Variants in CTIF observed in about 807,000 individuals in gnomAD.
CTIF encodes CBP80/20-dependent translation initiation factor.
In CTIF, 21 loss-of-function variants were observed where a neutral mutation model predicts 66.0. The observed-to-expected ratio is 0.32, with a 90% CI of 0.23 to 0.46. The LOEUF is 0.46. CTIF is among the 20% of genes least tolerant of loss of function. The probability of loss-of-function intolerance (pLI) is 1.00; values close to 1 mark genes in which losing one functional copy is unlikely to be tolerated. For missense variants in CTIF, 739 were observed against 812.7 expected (o/e 0.91, Z 1.10); for synonymous variants, 345 against 326.4 (o/e 1.06, Z -0.62).
At chr18:48,841,695 G>T (rs904407150) in intron 10 of CTIF, among the ~76,000 whole-genome samples, 2 of 144,636 alleles carry the variant, frequency 1.4e-5, no homozygotes, top group Non-Finnish European at 3.0e-5. Context: ...GGGCAGGCGG[G>T]CAGGCCCCTC....
At chr18:48,623,618 TCCTGTCTG>T (rs1568081834) in intron 2 of CTIF, among the ~76,000 whole-genome samples, 2 of 151,002 alleles carry the variant, frequency 1.3e-5, no homozygotes, top group African/African-American at 4.8e-5. Flanking sequence ...CAGGGAATGT[TCCTGTCTG>T]CCTGTGTGGT....
At chr18:48,721,575 G>A (rs536953746) in intron 7 of CTIF, among the ~76,000 whole-genome samples, 6 of 152,320 alleles carry the variant, frequency 3.9e-5, no homozygotes, top group East Asian at 1.9e-4. Context: ...GCTTCAAGAC[G>A]AGCTCATCTC....
intron 10 of CTIF, among the ~76,000 whole-genome samples, chr18:48,833,430 C>T (rs1159399200): frequency 2.0e-5 from 3 of 151,772 alleles, no homozygotes; most frequent in Admixed American, 2.0e-4. Flanking sequence ...TCCTGCAGCC[C>T]TCTGGGAAAG....
At chr18:48,730,288 G>T (rs2092429476) in intron 7 of CTIF, among the ~76,000 whole-genome samples, 1 of 148,540 alleles carries the variant, frequency 6.7e-6, no homozygotes, top group Non-Finnish European at 1.5e-5. Flanking sequence ...CCTGGGGTGT[G>T]AGGGGCCCCT....
chr18:48,811,332 C>T (rs947587503), intron 9 of CTIF, among the ~76,000 whole-genome samples: 39 of 151,502 alleles, frequency 2.6e-4, no homozygotes, highest in African/African-American at 9.2e-4. Context: ...TCTTCTATAC[C>T]ATGGTTTCCT....
rs1479168669 is a variant in CTIF at position 48,618,301 on chromosome 18, C to T, written c.-28-1237C>T. 2.6e-5 allele frequency among the ~76,000 whole-genome samples: 4 copies of T among 152,258 alleles called. No individual in the cohort carries two copies. The East Asian group carries it at 7.7e-4, about 29-fold the overall frequency. The stretch of plus-strand genomic sequence containing the variant: ...ACCTCGCCTTTATTACTGGCAGCAG[C>T]ATTCACGCTGCTCTATATGGCTTCA... On this transcript the variant is annotated intron_variant, in intron 1 of 11. Coordinates refer to ENST00000256413, the MANE Select transcript of CTIF (RefSeq NM_014772.3).
At chr18:48,782,539 A>G (rs911091197) in intron 9 of CTIF, among the ~76,000 whole-genome samples, 2 of 152,170 alleles carry the variant, frequency 1.3e-5, no homozygotes, top group African/African-American at 4.8e-5. Context: ...AGCTATTTAA[A>G]GCGTGCAGCG....
chr18:48,662,026 A>G (rs1181304014), intron 3 of CTIF: 1 of 152,240 alleles, frequency 6.6e-6, no homozygotes, highest in Non-Finnish European at 1.5e-5. Flanking sequence ...ACTACAGGAA[A>G]TAGAAGTGAG....
At chr18:48,720,426 C>T (rs532591355) in intron 7 of CTIF, among the ~76,000 whole-genome samples, 13 of 152,184 alleles carry the variant, frequency 8.5e-5, no homozygotes, top group African/African-American at 2.6e-4. Flanking sequence ...TCCTGTCATC[C>T]GAGCCCAGGG....
chr18:48,767,155 G>A (rs938069832), intron 9 of CTIF, among the ~76,000 whole-genome samples: 5 of 152,172 alleles, frequency 3.3e-5, no homozygotes, highest in Non-Finnish European at 5.9e-5. Context: ...GATTGTTTCC[G>A]ACTTCCAGGA....
intron 3 of CTIF, among the ~76,000 whole-genome samples, chr18:48,645,120 T>A (rs2091003047): frequency 6.6e-6 from 1 of 151,894 alleles, no homozygotes; most frequent in African/African-American, 2.4e-5. Context: ...CCCAAGACAT[T>A]CTGTATAAAA....
At chr18:48,636,792 C>A in intron 3 of CTIF, 107 bp downstream of exon 3, 1 of 774,170 alleles carries the variant, frequency 1.3e-6, no homozygotes, top group Non-Finnish European at 1.9e-6. Context: ...ATGGAGAGTG[C>A]AGAGAGGTGG....
intron 1 of CTIF, among the ~76,000 whole-genome samples, chr18:48,572,813 C>T (rs2143677145): frequency 6.6e-6 from 1 of 151,956 alleles, no homozygotes. Context: ...CATGAAGAAA[C>T]CCCAACTCTT....
intron 9 of CTIF, among the ~76,000 whole-genome samples, chr18:48,789,977 T>C (rs2067757004): frequency 1.3e-5 from 2 of 152,172 alleles, no homozygotes; most frequent in African/African-American, 4.8e-5. Context: ...TTTTCCCCTC[T>C]CTATGTCCTA....
At chr18:48,751,223 C>G (rs1907781108) in intron 7 of CTIF, among the ~76,000 whole-genome samples, 1 of 152,168 alleles carries the variant, frequency 6.6e-6, no homozygotes, top group South Asian at 2.1e-4. Context: ...GGTTTATGCT[C>G]CAATATGGCT....
At position 48,859,833 on chromosome 18, in the gene CTIF, A is replaced by G. The variant is rs1349427440; in HGVS notation, c.*274A>G. 1.6e-6 allele frequency: 1 copy of G among 614,938 alleles called. No individual in the cohort carries two copies. Among genetic ancestry groups the G allele is most frequent in the East Asian group, 3.4e-5 (1 of 29,362 alleles). 38.1% of individuals were successfully genotyped at this position (614,938 alleles called of 1,614,324 possible). On this transcript the variant is annotated 3_prime_UTR_variant, in exon 12 of 12. Coordinates refer to ENST00000256413, the MANE Select transcript of CTIF (RefSeq NM_014772.3). ...GGTGGCCCTGGCCCTCCCCTTCCTC[A>G]CTCCCGCCTCTCCCCTCCCCATCAG...
chr18:48,560,205 A>G (rs2089121653), intron 1 of CTIF, among the ~76,000 whole-genome samples: 1 of 151,162 alleles, frequency 6.6e-6, no homozygotes, highest in Non-Finnish European at 1.5e-5. Flanking sequence ...GTTAGGAGGA[A>G]TTTCATAGAA....
At chr18:48,710,990 T>A in intron 6 of CTIF, among the ~76,000 whole-genome samples, 1 of 152,128 alleles carries the variant, frequency 6.6e-6, no homozygotes, top group Non-Finnish European at 1.5e-5. Context: ...ATAATAATGA[T>A]GATAGTAATG....
intron 1 of CTIF, among the ~76,000 whole-genome samples, chr18:48,542,160 C>T (rs545025683): frequency 2.0e-5 from 3 of 152,352 alleles, no homozygotes; most frequent in South Asian, 2.1e-4. Context: ...CACTAAAGAA[C>T]GGAAGTCTGC....
Sources: gnomAD v4.1 joint callset for allele counts (sites outside exome capture counted in the v4.1 genomes callset) on GRCh38, gnomAD v4.1.1 for gene constraint, MANE v1.5 for transcripts, NCBI Gene and HGNC (gene_info 2026-07-23, HGNC 2026-07-21) for gene names.